Variants in VWA8 observed in about 807,000 individuals in gnomAD.
VWA8 encodes von Willebrand factor A domain containing 8, also known as von Willebrand factor A domain-containing protein 8.
A neutral mutation model predicts 241.5 loss-of-function variants in VWA8; 221 were observed. The ratio of observed to expected loss-of-function variants is 0.91; its 90% CI spans 0.82 to 1.02. The LOEUF is 1.02. Among genes scored for constraint, VWA8 ranks in the 50% least tolerant of loss-of-function variants. The pLI is 0.00. For missense variants in VWA8, 2,322 were observed against 2,328.7 expected (o/e 1.00, Z 0.06); for synonymous variants, 852 against 827.1 (o/e 1.03, Z -0.52).
intron 17 of VWA8, among the ~76,000 whole-genome samples, chr13:41,788,645 A>AC (rs1219043784): frequency 6.6e-6 from 1 of 151,914 alleles, no homozygotes; most frequent in African/African-American, 2.4e-5. Flanking sequence ...CCAAGCCCTC[A>AC]CCTTATCTCC....
chr13:41,731,173 A>T (rs1321870034), intron 22 of VWA8, among the ~76,000 whole-genome samples: 1 of 152,032 alleles, frequency 6.6e-6, no homozygotes, highest in Non-Finnish European at 1.5e-5. Context: ...GAACTCAAGC[A>T]GGAGATCCTA....
At chr13:41,772,949 TAAC>T (rs2045835638) in intron 20 of VWA8, among the ~76,000 whole-genome samples, 1 of 152,212 alleles carries the variant, frequency 6.6e-6, no homozygotes, top group African/African-American at 2.4e-5. Context: ...TTGCCACTGG[TAAC>T]AGAGCAGTCT....
At chr13:41,790,370 T>C (rs1869401159) in intron 17 of VWA8, among the ~76,000 whole-genome samples, 1 of 152,116 alleles carries the variant, frequency 6.6e-6, no homozygotes, top group African/African-American at 2.4e-5. Context: ...AAATTTTATA[T>C]AGATGTTACT....
chr13:41,719,614 A>G lies in VWA8; in HGVS notation c.3093T>C (p.Pro1031=). 6.2e-7 allele frequency: 1 copy of G among 1,613,106 alleles called. No individual in the cohort carries two copies. Among genetic ancestry groups the G allele is most frequent in the Non-Finnish European group, 8.5e-7 (1 of 1,179,304 alleles). Residue 1031 remains proline, a synonymous_variant, in exon 26 of 45, where the codon CCT becomes CCC. Coordinates refer to ENST00000379310, the MANE Select transcript of VWA8 (RefSeq NM_015058.2). ...ACTCCTTTGCCAGCTGCACACTGGT[A>G]GGCTTTGCTCCGATAGGTATCCCGT... The part of the protein sequence containing the change: ...HKYGIPIGAK[P]TSVQLAKELT...
chr13:41,691,816 G>T, intron 31 of VWA8, 58 bp downstream of exon 31: 1 of 1,304,256 alleles, frequency 7.7e-7, no homozygotes, highest in Non-Finnish European at 1.1e-6. Context: ...ATCAAAATAG[G>T]AAATAGAATG....
At chr13:41,590,147 G>T (rs1000819298) in intron 41 of VWA8, among the ~76,000 whole-genome samples, 5 of 152,160 alleles carry the variant, frequency 3.3e-5, no homozygotes, top group Non-Finnish European at 7.3e-5. Context: ...AGGTCAGGGG[G>T]TGAGGGTGGA....
At chr13:41,625,472 T>C (rs992906476) in intron 37 of VWA8, among the ~76,000 whole-genome samples, 21 of 151,962 alleles carry the variant, frequency 1.4e-4, no homozygotes, top group Non-Finnish European at 2.5e-4. Context: ...CGAAAAAACA[T>C]ATGAAAAAAT....
intron 21 of VWA8, among the ~76,000 whole-genome samples, chr13:41,736,938 G>A (rs1449581092): frequency 6.7e-6 from 1 of 149,222 alleles, no homozygotes. Flanking sequence ...CCGCTTCCCA[G>A]GTTCAAGTGA....
At chr13:41,653,596 T>A (rs1209925191) in intron 37 of VWA8, among the ~76,000 whole-genome samples, 1 of 152,186 alleles carries the variant, frequency 6.6e-6, no homozygotes, top group African/African-American at 2.4e-5. Context: ...AGAGCCTGAA[T>A]AGCCAAAGCA....
chr13:41,778,818 T>C (rs1328244699), intron 19 of VWA8, among the ~76,000 whole-genome samples: 1 of 151,538 alleles, frequency 6.6e-6, no homozygotes, highest in Non-Finnish European at 1.5e-5. Flanking sequence ...TGCAGATATT[T>C]TTCCAGTACG....
At chr13:41,824,304 T>C (rs2137991011) in intron 14 of VWA8, among the ~76,000 whole-genome samples, 1 of 152,304 alleles carries the variant, frequency 6.6e-6, no homozygotes, top group Non-Finnish European at 1.5e-5. Context: ...TGGAAACCAC[T>C]GAAGGACTTA....
At chr13:41,939,600 A>G (rs1877507322) in intron 2 of VWA8, among the ~76,000 whole-genome samples, 1 of 152,218 alleles carries the variant, frequency 6.6e-6, no homozygotes, top group Non-Finnish European at 1.5e-5. Context: ...TGAAGACAGA[A>G]GCAATTCAAA....
intron 35 of VWA8, among the ~76,000 whole-genome samples, chr13:41,684,323 A>G (rs1382818019): frequency 6.6e-6 from 1 of 152,074 alleles, no homozygotes; most frequent in African/African-American, 2.4e-5. Flanking sequence ...GACACAAGAT[A>G]ATATATCACT....
chr13:41,856,600 T>A (rs1481169867), intron 12 of VWA8, among the ~76,000 whole-genome samples: 1 of 152,056 alleles, frequency 6.6e-6, no homozygotes, highest in Non-Finnish European at 1.5e-5. Context: ...GCGGGAGGAC[T>A]GCTTGAGCCC....
chr13:41,698,593 C>A, intron 29 of VWA8, among the ~76,000 whole-genome samples: 1 of 152,068 alleles, frequency 6.6e-6, no homozygotes, highest in East Asian at 1.9e-4. Context: ...AAACGTCATT[C>A]GGGTCTCAGA....
In VWA8 at chr13:41,743,113, C is replaced by T. The variant is rs148840650; in HGVS notation, c.2427-10958G>A. Among the ~76,000 whole-genome samples the T allele has an allele frequency of 2.6e-5, 4 of 152,236 alleles. No homozygotes were observed. In the East Asian group the frequency reaches 7.7e-4, roughly 29 times the overall value. On this transcript the variant is annotated intron_variant, in intron 21 of 44. Coordinates refer to ENST00000379310, the MANE Select transcript of VWA8 (RefSeq NM_015058.2). ...TGGGAACCACAGGCAGCTCATATGG[C>T]TTAAGCATACGTGGGAGAGAAAGGT... is the stretch of plus-strand genomic sequence containing the variant.
At chr13:41,858,778 G>A (rs1429567596) in intron 12 of VWA8, among the ~76,000 whole-genome samples, 2 of 152,098 alleles carry the variant, frequency 1.3e-5, no homozygotes, top group Admixed American at 1.3e-4. Flanking sequence ...AAATCTGTAG[G>A]AGCTGAAGTA....
Position 41,727,467 on chromosome 13 carries a change from C to T in VWA8, c.2639-154G>A, listed in dbSNP as rs571206137. 3.9e-5 allele frequency among the ~76,000 whole-genome samples: 6 copies of T among 152,210 alleles called. No individual in the cohort carries two copies. The South Asian group carries it at 1.2e-3, about 32-fold the overall frequency. ...GATAACTTGGTTGCAGAAACAAAAA[C>T]TTTCTTGAAAAAATTTGCTCAAGAA... On this transcript the variant is annotated intron_variant, in intron 23 of 44. Coordinates refer to ENST00000379310, the MANE Select transcript of VWA8 (RefSeq NM_015058.2).
intron 20 of VWA8, 122 bp downstream of exon 20, chr13:41,777,863 C>A (rs1257579456): frequency 7.7e-6 from 6 of 783,342 alleles, no homozygotes; most frequent in Non-Finnish European, 1.2e-5. Context: ...GAGTCTCATC[C>A]TTTAATTAAA....
Sources: gnomAD v4.1 joint callset for allele counts (sites outside exome capture counted in the v4.1 genomes callset) on GRCh38, gnomAD v4.1.1 for gene constraint, MANE v1.5 for transcripts, NCBI Gene and HGNC (gene_info 2026-07-23, HGNC 2026-07-21) for gene names.